Variants in CAST observed in about 807,000 individuals in gnomAD.
CAST encodes MIR583 host.
In CAST, 76 loss-of-function variants were observed where a neutral mutation model predicts 119.6. That is an observed-to-expected ratio of 0.64 (90% CI 0.53 to 0.77). CAST has a LOEUF of 0.77. Among genes scored for constraint, CAST ranks in the 30% least tolerant of loss-of-function variants. The pLI is 0.00. For missense variants in CAST, 953 were observed against 946.5 expected (o/e 1.01, Z -0.09); for synonymous variants, 319 against 331.6 (o/e 0.96, Z 0.41).
the CAST span, among the ~76,000 whole-genome samples, chr5:96,072,349 G>A: frequency 1.3e-5 from 2 of 152,176 alleles, no homozygotes; most frequent in Non-Finnish European, 2.9e-5. Context: ...GCCAGCCAAA[G>A]GTTAGCAGCA....
At chr5:96,495,595 ACTC>A in the CAST span, among the ~76,000 whole-genome samples, 1,741 of 151,878 alleles carry the variant, frequency 0.011, 13 homozygotes, top group Non-Finnish European at 0.019. Context: ...AAGAACATGA[ACTC>A]CTTCTTTTTT....
the CAST span, among the ~76,000 whole-genome samples, chr5:96,182,963 T>C: frequency 0.99 from 149,553 of 151,782 alleles, 73,717 homozygotes; most frequent in East Asian, 1. Flanking sequence ...ACAGTGAAAC[T>C]CCGTCTCTAC....
chr5:96,325,342 C>T, the CAST span, among the ~76,000 whole-genome samples: 1 of 151,284 alleles, frequency 6.6e-6, no homozygotes, highest in African/African-American at 2.4e-5. Flanking sequence ...GTAAAATCAG[C>T]TCCAAGCAAT....
At chr5:96,315,614 T>G in the CAST span, among the ~76,000 whole-genome samples, 7 of 152,220 alleles carry the variant, frequency 4.6e-5, no homozygotes, top group Admixed American at 4.6e-4. Flanking sequence ...CTATGGTAGA[T>G]TAAAGATAGC....
At chr5:96,184,159 A>G in the CAST span, among the ~76,000 whole-genome samples, 3 of 152,144 alleles carry the variant, frequency 2.0e-5, no homozygotes, top group African/African-American at 7.2e-5. Context: ...TAAGTCCCAA[A>G]TCACAACTGC....
At chr5:96,359,277 A>T in the CAST span, among the ~76,000 whole-genome samples, 2 of 151,516 alleles carry the variant, frequency 1.3e-5, no homozygotes, top group Non-Finnish European at 2.9e-5. Context: ...ATGGGTCTTG[A>T]CTCTTTTTCC....
intron 3 of CAST, among the ~76,000 whole-genome samples, chr5:96,697,287 G>A (rs906402587): frequency 6.6e-6 from 1 of 151,808 alleles, no homozygotes; most frequent in African/African-American, 2.4e-5. Flanking sequence ...ACTATTTAAC[G>A]TAAGCTTTTT....
chr5:96,451,739 A>T, the CAST span, among the ~76,000 whole-genome samples: 3 of 152,206 alleles, frequency 2.0e-5, no homozygotes, highest in Non-Finnish European at 4.4e-5. Flanking sequence ...TTTTCAGTCT[A>T]TCCATTTGAC....
the CAST span, among the ~76,000 whole-genome samples, chr5:96,506,623 G>C: frequency 1.1e-4 from 16 of 151,898 alleles, no homozygotes; most frequent in Admixed American, 3.3e-4. Context: ...ATGTGGGAAA[G>C]TACTGAGTCA....
chr5:96,289,030 A>G, the CAST span, among the ~76,000 whole-genome samples: 3 of 151,384 alleles, frequency 2.0e-5, no homozygotes, highest in African/African-American at 7.3e-5. Flanking sequence ...GGAATTTTTT[A>G]TTTGAAGTGT....
At chr5:96,604,139 T>C (rs1227148045) in intron 1 of CAST, among the ~76,000 whole-genome samples, 1 of 152,182 alleles carries the variant, frequency 6.6e-6, no homozygotes, top group Non-Finnish European at 1.5e-5. Flanking sequence ...TGCATTGTGC[T>C]ACAATATCAT....
chr5:96,364,182 A>C, the CAST span, among the ~76,000 whole-genome samples: 3 of 152,174 alleles, frequency 2.0e-5, no homozygotes, highest in Admixed American at 2.0e-4. Context: ...AGGGATGAAG[A>C]CAACTTGATC....
At chr5:96,264,710 C>A in the CAST span, among the ~76,000 whole-genome samples, 2 of 152,122 alleles carry the variant, frequency 1.3e-5, no homozygotes, top group Admixed American at 6.5e-5. Flanking sequence ...CTCTTTGCAC[C>A]TTCGTGACAT....
At chr5:96,545,775 C>G (rs1054490704) in intron 1 of CAST, among the ~76,000 whole-genome samples, 2 of 152,220 alleles carry the variant, frequency 1.3e-5, no homozygotes, top group African/African-American at 2.4e-5. Flanking sequence ...ATGAGGCTGA[C>G]TGACATACAT....
intron 4 of CAST, among the ~76,000 whole-genome samples, chr5:96,725,968 C>A (rs1335724270): frequency 6.6e-6 from 1 of 151,996 alleles, no homozygotes; most frequent in African/African-American, 2.4e-5. Context: ...TAGCAAGGGG[C>A]CATTATTTGA....
chr5:96,714,100 T>C (rs745527445), intron 3 of CAST, among the ~76,000 whole-genome samples: 17 of 152,226 alleles, frequency 1.1e-4, no homozygotes, highest in Non-Finnish European at 2.1e-4. Flanking sequence ...TGATGTACCA[T>C]GTGCCAGGCA....
intron 1 of CAST, among the ~76,000 whole-genome samples, chr5:96,645,140 C>G (rs1416927336): frequency 6.6e-6 from 1 of 152,072 alleles, no homozygotes; most frequent in Non-Finnish European, 1.5e-5. Context: ...GTTTTTAAGA[C>G]TTTCCTTGTT....
the CAST span, among the ~76,000 whole-genome samples, chr5:96,017,668 G>A: frequency 3.3e-5 from 5 of 152,082 alleles, no homozygotes; most frequent in Non-Finnish European, 7.4e-5. Flanking sequence ...CACAAAAAAT[G>A]TTGCTATTGT....
chr5:96,715,690 T>C (rs1757072797), intron 3 of CAST, among the ~76,000 whole-genome samples: 1 of 152,232 alleles, frequency 6.6e-6, no homozygotes, highest in Non-Finnish European at 1.5e-5. Flanking sequence ...AAGCATCCAA[T>C]AAATAGTCCC....
Sources: gnomAD v4.1 joint callset for allele counts (sites outside exome capture counted in the v4.1 genomes callset) on GRCh38, gnomAD v4.1.1 for gene constraint, MANE v1.5 for transcripts, NCBI Gene and HGNC (gene_info 2026-07-23, HGNC 2026-07-21) for gene names.